Variants in RSRP1 observed in about 807,000 individuals in gnomAD.
RSRP1 encodes arginine and serine rich protein 1.
RSRP1 carries 37 observed loss-of-function variants against 33.0 expected under a neutral mutation model. The ratio of observed to expected loss-of-function variants is 1.12; its 90% CI spans 0.86 to 1.48. The LOEUF (loss-of-function observed/expected upper bound fraction) is 1.48, where lower values mean the gene tolerates loss of function less well. RSRP1 is among the 40% of genes most tolerant of loss of function. RSRP1 has a pLI of 0.00. For missense variants in RSRP1, 402 were observed against 385.3 expected (o/e 1.04, Z -0.36); for synonymous variants, 167 against 158.7 (o/e 1.05, Z -0.40).
upstream of RSRP1, among the ~76,000 whole-genome samples, chr1:25,249,586 C>A (rs1639713599): frequency 6.6e-6 from 1 of 152,168 alleles, no homozygotes; most frequent in Non-Finnish European, 1.5e-5. Context: ...AAGTGATCTG[C>A]CTGCCTCGGC....
chr1:25,283,414 C>G (rs1383507628), intron 1 of RSRP1, among the ~76,000 whole-genome samples: 1 of 130,566 alleles, frequency 7.7e-6, no homozygotes, highest in East Asian at 2.0e-4. Context: ...ACCTGTAATC[C>G]CAGCTACTTG....
At chr1:25,268,378 G>A (rs781769573) in intron 1 of RSRP1, among the ~76,000 whole-genome samples, 4 of 131,232 alleles carry the variant, frequency 3.0e-5, no homozygotes, top group Non-Finnish European at 5.4e-5. Context: ...AATTAGCGCG[G>A]TGTGGTGGCT....
Position 25,314,165 on chromosome 1 carries a change from A to C in RSRP1, c.-67+23813T>G, listed in dbSNP as rs1557558473. Among the ~76,000 whole-genome samples the C allele has an allele frequency of 1.5e-5, 2 of 132,772 alleles. 1 individual carries two copies. The highest frequency in any genetic ancestry group is 5.1e-5 in the African/African-American group (2 of 38,926). 87.1% of individuals were successfully genotyped at this position (132,772 alleles called of 152,430 possible). ...TCAGCTTTAGTGGCTACTGCTAAAC[A>C]ATTTTCTCTAGTAGTTTGCGCCAAT... On this transcript the variant is annotated intron_variant, in intron 1 of 1. Coordinates refer to the RSRP1 transcript ENST00000561867.
intron 1 of RSRP1, chr1:25,301,218 T>C: frequency 2.0e-6 from 2 of 979,348 alleles, no homozygotes; most frequent in Non-Finnish European, 3.2e-6. Context: ...CCTTCCATCA[T>C]GATTCATTTC....
At chr1:25,283,564 G>A (rs189930987) in intron 1 of RSRP1, among the ~76,000 whole-genome samples, 1 of 131,488 alleles carries the variant, frequency 7.6e-6, no homozygotes, top group Non-Finnish European at 1.8e-5. Flanking sequence ...TCTACCCACC[G>A]GGGCAAGTTA....
chr1:25,321,711 G>T lies in RSRP1; in HGVS notation c.-67+16267C>A, dbSNP rs201945983. 3.3e-4 allele frequency among the ~76,000 whole-genome samples: 8 copies of T among 24,500 alleles called. 1 individual carries two copies. Among genetic ancestry groups the T allele is most frequent in the South Asian group, 3.0e-3 (1 of 334 alleles). The allele number at this position is 24,500 out of a possible 152,430, so 16.1% of individuals were successfully genotyped here. A position where few individuals can be genotyped will look rare whatever the true frequency, so the allele number is the denominator to read the frequency against. ...AATAAAATAAAATAAAATAAAATAG[G>T]CTACAGAATTAAGCTGGTCCAGGAA... On this transcript the variant is annotated intron_variant, in intron 1 of 1. Transcript: ENST00000561867.
upstream of RSRP1, chr1:25,247,603 C>T (rs908526724): frequency 4.6e-5 from 7 of 152,354 alleles, no homozygotes; most frequent in South Asian, 2.1e-4. Flanking sequence ...GCCTCGAGCG[C>T]TTGCCTCCAG....
At position 25,304,745 on chromosome 1, in the gene RSRP1, A is replaced by G. The variant is rs1231170866; in HGVS notation, c.-67+33233T>C. ...GGAAAAACGTATCAATACTTCGATTAACCAAAACCAGGGCAAATCTGATTT... is the reference window on the plus strand; with the variant it reads ...GGAAAAACGTATCAATACTTCGATTGACCAAAACCAGGGCAAATCTGATTT... On this transcript the variant is annotated intron_variant, in intron 1 of 1. Transcript: ENST00000561867. 1.3e-4 allele frequency: 17 copies of G among 132,280 alleles called. 1 individual carries two copies. Among genetic ancestry groups the G allele is most frequent in the Admixed American group, 8.8e-4 (12 of 13,602 alleles). The allele number at this position is 132,280 out of a possible 1,614,324, so 8.2% of individuals were successfully genotyped here.
At position 25,310,985 on chromosome 1, in the gene RSRP1, A is replaced by G. The variant is rs565118467; in HGVS notation, c.-67+26993T>C. The stretch of plus-strand genomic sequence containing the variant: ...CAAAACTCCATCTCAAAAAAAAAAA[A>G]AAAGAAAGAAAAAGAATGGAGCATT... On this transcript the variant is annotated intron_variant, in intron 1 of 1. Coordinates refer to the RSRP1 transcript ENST00000561867. Among the ~76,000 whole-genome samples, 76 of 130,484 alleles carry G rather than the reference A, an allele frequency of 5.8e-4. 9 individuals carry two copies. Among genetic ancestry groups the G allele is most frequent in the African/African-American group, 1.7e-3 (65 of 38,540 alleles). 85.6% of individuals were successfully genotyped at this position (130,484 alleles called of 152,430 possible).
At chr1:25,244,525 A>T (rs1243318742) in intron 3 of RSRP1, 1 of 1,289,360 alleles carries the variant, frequency 7.8e-7, no homozygotes, top group South Asian at 1.2e-5. Flanking sequence ...GAGCAGATAA[A>T]CTATACTGTA....
rs1456587242 is a variant in RSRP1 at position 25,280,014 on chromosome 1, A to C, written c.-66-32985T>G. Reference sequence around the variant, plus strand: ...GGAGCCCAGATAATGGATGGGTGGAAATGGGCCTGGAGCCCAGGAGAAGTG... The same window carrying C: ...GGAGCCCAGATAATGGATGGGTGGACATGGGCCTGGAGCCCAGGAGAAGTG... On this transcript the variant is annotated intron_variant, in intron 1 of 1. Transcript: ENST00000561867. 8.8e-4 allele frequency among the ~76,000 whole-genome samples: 115 copies of C among 129,988 alleles called. 28 individuals are homozygous for C. Among genetic ancestry groups the C allele is most frequent in the Non-Finnish European group, 1.7e-3 (95 of 55,348 alleles). 85.3% of individuals were successfully genotyped at this position (129,988 alleles called of 152,430 possible).
intron 1 of RSRP1, among the ~76,000 whole-genome samples, chr1:25,322,278 G>A (rs1297341374): frequency 7.6e-6 from 1 of 132,294 alleles, no homozygotes; most frequent in Non-Finnish European, 1.8e-5. Context: ...TCTGACATGC[G>A]GGTGACAGAA....
rs776237765 is a variant in RSRP1 at position 25,275,883 on chromosome 1, C to T, written c.-66-28854G>A. Among the ~76,000 whole-genome samples, 49 of 132,022 alleles carry T rather than the reference C, an allele frequency of 3.7e-4. 11 individuals are homozygous for T. Among genetic ancestry groups the T allele is most frequent in the Non-Finnish European group, 1.8e-4 (10 of 55,886 alleles). 86.6% of individuals were successfully genotyped at this position (132,022 alleles called of 152,430 possible). A position where few individuals can be genotyped will look rare whatever the true frequency, so the allele number is the denominator to read the frequency against. ...TGACAGCTTGTACGAGGAGAAGTTT[C>T]ACTCTGCCTTTTCCCTTTTGTTCAC... On this transcript the variant is annotated intron_variant, in intron 1 of 1. Transcript: ENST00000561867.
At chr1:25,262,216 T>C (rs553443995) in intron 1 of RSRP1, among the ~76,000 whole-genome samples, 3 of 152,302 alleles carry the variant, frequency 2.0e-5, no homozygotes, top group South Asian at 4.1e-4. Flanking sequence ...TTCAAAGACA[T>C]CTTGGAGTTC....
At chr1:25,336,941 G>A (rs1557579749) in intron 1 of RSRP1, 1 of 151,964 alleles carries the variant, frequency 6.6e-6, no homozygotes. Context: ...TCCATCAAAG[G>A]AAACAACAGT....
In RSRP1 at chr1:25,285,494, T is replaced by G. The variant is rs1221656505; in HGVS notation, c.-66-38465A>C. On this transcript the variant is annotated intron_variant, in intron 1 of 1. Coordinates refer to the RSRP1 transcript ENST00000561867. ...CCCCCTAATGCTGCTAGACAATAAATAGCCATGCCTTTATTTTCATTAAAT... is the reference window on the plus strand; with the variant it reads ...CCCCCTAATGCTGCTAGACAATAAAGAGCCATGCCTTTATTTTCATTAAAT... Among the ~76,000 whole-genome samples the G allele has an allele frequency of 2.0e-4, 27 of 135,136 alleles. 3 individuals carry two copies. The East Asian group carries it at 3.5e-3, about 17-fold the overall frequency. 88.7% of individuals were successfully genotyped at this position (135,136 alleles called of 152,430 possible). A position where few individuals can be genotyped will look rare whatever the true frequency, so the allele number is the denominator to read the frequency against.
At chr1:25,314,113 T>C (rs1220173558) in intron 1 of RSRP1, among the ~76,000 whole-genome samples, 4 of 132,956 alleles carry the variant, frequency 3.0e-5, no homozygotes, top group Admixed American at 2.9e-4. Flanking sequence ...AGAAGTGAAA[T>C]TGTTGAATTA....
intron 3 of RSRP1, chr1:25,244,468 C>G: frequency 7.8e-7 from 1 of 1,289,352 alleles, no homozygotes; most frequent in Non-Finnish European, 1.0e-6. Context: ...AGATTTTCTT[C>G]ATCAATGTCT....
At chr1:25,298,245 A>G (rs1406513932) in intron 1 of RSRP1, among the ~76,000 whole-genome samples, 1 of 109,750 alleles carries the variant, frequency 9.1e-6, no homozygotes, top group Non-Finnish European at 2.2e-5. Context: ...AGAGGAGTAA[A>G]TTTCAGAGGC....
Sources: gnomAD v4.1 joint callset for allele counts (sites outside exome capture counted in the v4.1 genomes callset) on GRCh38, gnomAD v4.1.1 for gene constraint, MANE v1.5 for transcripts, NCBI Gene and HGNC (gene_info 2026-07-23, HGNC 2026-07-21) for gene names.